ATG5: variants seen among roughly 807,000 people sequenced by gnomAD.
ATG5 encodes autophagy related 5.
A neutral mutation model predicts 36.5 loss-of-function variants in ATG5; 14 were observed. The ratio of observed to expected loss-of-function variants is 0.38; its 90% confidence interval spans 0.25 to 0.60. The LOEUF is 0.60. Ranked by LOEUF, ATG5 falls within the 20% of genes least tolerant of loss-of-function variation. ATG5 has a pLI of 0.60. For synonymous variants in ATG5, 95 were observed against 101.5 expected (o/e 0.94, Z 0.38); for missense variants, 195 against 326.7 (o/e 0.60, Z 3.11).
chr6:106,274,244 T>C (rs1779560930), intron 5 of ATG5, among the ~76,000 whole-genome samples: 2 of 152,178 alleles, frequency 1.3e-5, no homozygotes. Context: ...CAGTAACAAC[T>C]GCTCATAAAT....
chr6:106,201,984 T>C lies in ATG5; in HGVS notation c.679A>G (p.Ile227Val), dbSNP rs763708645. The stretch of plus-strand genomic sequence containing the variant: ...CTGATTGTATTACCTTCAGGATCAA[T>C]AGCAGAAGGACAAACTTCTTTGAGG... ...DLLKEVCPSAIDPEDGEKKNQ... is the reference protein window; with the variant it reads ...DLLKEVCPSAVDPEDGEKKNQ... Residue 227 changes from isoleucine (I) to valine (V), a missense_variant, in exon 7 of 8, where the codon ATT becomes GTT. Coordinates refer to ENST00000369076, the MANE Select transcript of ATG5 (RefSeq NM_004849.4). The C allele has an allele frequency of 2.2e-5, 36 of 1,609,734 alleles. No individual in the cohort carries two copies. The highest frequency in any genetic ancestry group is 8.9e-5 in the East Asian group (4 of 44,802).
At chr6:106,215,458 T>G (rs959606624) in intron 6 of ATG5, among the ~76,000 whole-genome samples, 2 of 152,186 alleles carry the variant, frequency 1.3e-5, no homozygotes, top group African/African-American at 4.8e-5. Flanking sequence ...TTTTAAAAAT[T>G]TATTCTACTA....
At chr6:106,232,521 G>A (rs552844555) in intron 6 of ATG5, among the ~76,000 whole-genome samples, 2 of 152,022 alleles carry the variant, frequency 1.3e-5, no homozygotes, top group Admixed American at 6.6e-5. Flanking sequence ...CAATATGGAC[G>A]AGCAAAGAAT....
chr6:106,290,096 A>G (rs1780242702), intron 4 of ATG5, among the ~76,000 whole-genome samples: 1 of 151,726 alleles, frequency 6.6e-6, no homozygotes, highest in Non-Finnish European at 1.5e-5. Context: ...TGAGTGGTAC[A>G]GCTCAATGTA....
At chr6:106,242,455 TAG>T (rs1359755661) in intron 6 of ATG5, among the ~76,000 whole-genome samples, 1 of 152,178 alleles carries the variant, frequency 6.6e-6, no homozygotes, top group Non-Finnish European at 1.5e-5. Flanking sequence ...TTAATGGGTA[TAG>T]AGTTTGTTTT....
chr6:106,207,225 T>A (rs1044509412), intron 6 of ATG5, among the ~76,000 whole-genome samples: 4 of 152,244 alleles, frequency 2.6e-5, no homozygotes, highest in Non-Finnish European at 5.9e-5. Flanking sequence ...ATCTCTCCTC[T>A]ACTCATGTGC....
At chr6:106,193,513 C>T (rs1310199327) in intron 7 of ATG5, among the ~76,000 whole-genome samples, 2 of 152,024 alleles carry the variant, frequency 1.3e-5, no homozygotes, top group East Asian at 3.8e-4. Flanking sequence ...CCCATATGAT[C>T]AGTTGTAATT....
At chr6:106,245,976 C>T (rs1484318184) in intron 6 of ATG5, among the ~76,000 whole-genome samples, 1 of 152,020 alleles carries the variant, frequency 6.6e-6, no homozygotes, top group Non-Finnish European at 1.5e-5. Context: ...TGGTCAAGGC[C>T]ATGGTTGAAG....
chr6:106,208,462 A>C (rs1054825647), intron 6 of ATG5, among the ~76,000 whole-genome samples: 3 of 152,196 alleles, frequency 2.0e-5, no homozygotes, highest in African/African-American at 7.2e-5. Context: ...ATTTCCTTTT[A>C]ATTTCATTCA....
intron 3 of ATG5, among the ~76,000 whole-genome samples, chr6:106,306,037 G>A (rs960067790): frequency 4.6e-5 from 7 of 152,110 alleles, no homozygotes; most frequent in Admixed American, 2.0e-4. Flanking sequence ...ACATAACTGT[G>A]GAAGTGATAT....
At chr6:106,263,381 C>T (rs1200543369) in intron 5 of ATG5, among the ~76,000 whole-genome samples, 1 of 152,242 alleles carries the variant, frequency 6.6e-6, no homozygotes, top group African/African-American at 2.4e-5. Context: ...CCCTGGGACA[C>T]AGCACCTGGG....
intron 6 of ATG5, among the ~76,000 whole-genome samples, chr6:106,234,507 C>T (rs956630884): frequency 3.9e-5 from 6 of 152,196 alleles, no homozygotes; most frequent in African/African-American, 1.4e-4. Flanking sequence ...GTAGACACAA[C>T]CAACTCCCAA....
At chr6:106,261,564 G>T (rs189565075) in intron 5 of ATG5, among the ~76,000 whole-genome samples, 1 of 152,288 alleles carries the variant, frequency 6.6e-6, no homozygotes, top group East Asian at 1.9e-4. Flanking sequence ...GATAATTCAC[G>T]TGAAGTACCC....
intron 6 of ATG5, among the ~76,000 whole-genome samples, chr6:106,205,350 C>A (rs1426984970): frequency 6.6e-6 from 1 of 152,178 alleles, no homozygotes; most frequent in Non-Finnish European, 1.5e-5. Context: ...GAATTTGGAG[C>A]TCTCATTCAT....
At chr6:106,189,943 C>T (rs979985503) in intron 7 of ATG5, among the ~76,000 whole-genome samples, 3 of 151,982 alleles carry the variant, frequency 2.0e-5, no homozygotes, top group Non-Finnish European at 4.4e-5. Context: ...ATATAGGGCA[C>T]TTTTTAGAGA....
intron 6 of ATG5, among the ~76,000 whole-genome samples, chr6:106,227,909 G>A (rs1316185178): frequency 1.3e-5 from 2 of 152,100 alleles, no homozygotes; most frequent in Non-Finnish European, 2.9e-5. Context: ...GAAGGAGAAG[G>A]AATAAGGAAC....
chr6:106,184,718 T>C lies in ATG5; in HGVS notation c.*1822A>G, dbSNP rs1775702832. The C allele has an allele frequency of 6.6e-6, 1 of 152,308 alleles. No homozygotes were observed. Among genetic ancestry groups the C allele is most frequent in the African/African-American group, 2.4e-5 (1 of 41,458 alleles). The allele number at this position is 152,308 out of a possible 1,614,324, so 9.4% of individuals were successfully genotyped here. On this transcript the variant is annotated 3_prime_UTR_variant, in exon 8 of 8. Transcript: ENST00000369076. ...TCTAGATCAGAAGTTCACTCAAGCCTACTGCAAAGGCCTGACACTGGTTTT... is the reference window on the plus strand; with the variant it reads ...TCTAGATCAGAAGTTCACTCAAGCCCACTGCAAAGGCCTGACACTGGTTTT...
chr6:106,289,659 T>G (rs543654709), intron 4 of ATG5, among the ~76,000 whole-genome samples: 85 of 133,436 alleles, frequency 6.4e-4, no homozygotes, highest in Non-Finnish European at 1.1e-3. Context: ...AAATTAGAGC[T>G]GAAACATTTA....
intron 6 of ATG5, among the ~76,000 whole-genome samples, chr6:106,235,464 T>A (rs1777862101): frequency 6.6e-6 from 1 of 151,036 alleles, no homozygotes; most frequent in Non-Finnish European, 1.5e-5. Context: ...GCACTTGGGT[T>A]TTCCTGTTGA....
Sources: gnomAD v4.1 joint callset for allele counts (sites outside exome capture counted in the v4.1 genomes callset) on GRCh38, gnomAD v4.1.1 for gene constraint, MANE v1.5 for transcripts, NCBI Gene and HGNC (gene_info 2026-07-23, HGNC 2026-07-21) for gene names.